Variants in SH3D19 observed in about 807,000 individuals in gnomAD.
The protein encoded by SH3D19 is SH3 domain-containing protein 19.
Under a neutral mutation model 112.1 loss-of-function variants are expected in SH3D19, and 58 were observed. The observed-to-expected ratio is 0.52, with a 90% confidence interval of 0.42 to 0.64. The LOEUF (loss-of-function observed/expected upper bound fraction) is 0.64. SH3D19 is among the 30% of genes least tolerant of loss of function. The pLI, the probability that SH3D19 is intolerant of heterozygous loss-of-function variation, is 0.00. For missense variants in SH3D19, 1,090 were observed against 1,263.4 expected (o/e 0.86, Z 2.08); for synonymous variants, 391 against 448.5 (o/e 0.87, Z 1.62).
intron 12 of SH3D19, 30 bp from the exon 13 acceptor site, chr4:151,139,877 G>C (rs1490206361): frequency 8.7e-6 from 14 of 1,608,412 alleles, no homozygotes; most frequent in Non-Finnish European, 1.2e-5. Context: ...TGTGAATGAA[G>C]TGTGCAGGAT....
intron 2 of SH3D19, among the ~76,000 whole-genome samples, chr4:151,193,265 GGTTT>G (rs1475992682): frequency 1.3e-5 from 2 of 149,182 alleles, no homozygotes; most frequent in East Asian, 2.0e-4. Flanking sequence ...GTTTAAAATA[GGTTT>G]GTTTTTTTTT....
intron 1 of SH3D19, among the ~76,000 whole-genome samples, chr4:151,272,169 T>C (rs1381138116): frequency 6.6e-6 from 1 of 152,196 alleles, no homozygotes; most frequent in Non-Finnish European, 1.5e-5. Context: ...TATAGACAGA[T>C]AATGTAGGCA....
intron 3 of SH3D19, 87 bp downstream of exon 3, chr4:151,187,336 C>T (rs182246801): frequency 8.3e-5 from 66 of 797,120 alleles, no homozygotes; most frequent in Non-Finnish European, 1.0e-4. Flanking sequence ...TTTGTAGATT[C>T]GTCAAATACA....
chr4:151,185,040 G>GTT (rs66567240), intron 3 of SH3D19, among the ~76,000 whole-genome samples: 14 of 66,502 alleles, frequency 2.1e-4, no homozygotes, highest in African/African-American at 8.2e-4. Context: ...GCTGTGTCCT[G>GTT]TTTTTTTTTT....
At chr4:151,310,142 G>A (rs1296763126) in intron 1 of SH3D19, among the ~76,000 whole-genome samples, 1 of 151,402 alleles carries the variant, frequency 6.6e-6, no homozygotes. Flanking sequence ...GGGAGCCTGA[G>A]GCAGGAGGAT....
At chr4:151,154,670 G>A (rs1002315207) in intron 9 of SH3D19, among the ~76,000 whole-genome samples, 1 of 151,694 alleles carries the variant, frequency 6.6e-6, no homozygotes, top group African/African-American at 2.4e-5. Flanking sequence ...TCTGCCTCCC[G>A]GGTTCAAGCA....
intron 7 of SH3D19, among the ~76,000 whole-genome samples, chr4:151,171,284 C>A (rs1579942817): frequency 6.6e-6 from 1 of 151,862 alleles, no homozygotes; most frequent in East Asian, 1.9e-4. Flanking sequence ...AAAAGACTCT[C>A]AGGCTATGTC....
intron 1 of SH3D19, among the ~76,000 whole-genome samples, chr4:151,289,083 A>G (rs1033409833): frequency 1.1e-4 from 16 of 152,238 alleles, no homozygotes; most frequent in African/African-American, 3.9e-4. Context: ...ATAAACCCTT[A>G]TATTTATGGT....
chr4:151,258,760 G>A (rs938465875), intron 1 of SH3D19, among the ~76,000 whole-genome samples: 1 of 152,180 alleles, frequency 6.6e-6, no homozygotes, highest in Admixed American at 6.5e-5. Flanking sequence ...AGGAGGGGGT[G>A]AAGCAGAGGA....
intron 1 of SH3D19, among the ~76,000 whole-genome samples, chr4:151,268,842 G>T (rs970603119): frequency 1.3e-5 from 2 of 151,042 alleles, no homozygotes; most frequent in African/African-American, 2.4e-5. Flanking sequence ...GTCTATCATT[G>T]TTGGACATTT....
rs969123107 is a variant in SH3D19, at chr4:151,175,613, T to C, written c.591A>G (p.Pro197=). ...AGACGATTAAAGGTGCCACATTTGT[T>C]GGAAGATTGCCAGACGAGACTGCTG... ...PFSAVSSGNL[P]TNVAPLIVFD... The change falls in exon 7 of 20, where the codon CCA becomes CCG. Residue 197 remains proline (P), a synonymous_variant. Transcript: ENST00000604030. The C allele has an allele frequency of 1.7e-5, 22 of 1,316,106 alleles. No homozygotes were observed. Among genetic ancestry groups the C allele is most frequent in the Non-Finnish European group, 1.8e-5 (19 of 1,039,228 alleles). The allele number at this position is 1,316,106 out of a possible 1,614,324, so 81.5% of individuals were successfully genotyped here.
At chr4:151,187,171 T>A (rs1761934743) in intron 3 of SH3D19, among the ~76,000 whole-genome samples, 1 of 151,682 alleles carries the variant, frequency 6.6e-6, no homozygotes, top group Non-Finnish European at 1.5e-5. Context: ...AGCTTTATAG[T>A]ATCACATTTG....
chr4:151,251,179 CT>C (rs1161035272), intron 1 of SH3D19, among the ~76,000 whole-genome samples: 1 of 65,894 alleles, frequency 1.5e-5, no homozygotes, highest in Non-Finnish European at 4.8e-5. Flanking sequence ...CCCATTTGTT[CT>C]TTCTTTTTCT....
At position 151,194,558 on chromosome 4, in the gene SH3D19, G is replaced by A. The variant is rs559428445; in HGVS notation, c.153-7095C>T. ...GCCTCCCGAGTAGCTGGGATTACAG[G>A]TGCCCGCCACAACGCCCAGCTAATT... On this transcript the variant is annotated intron_variant, in intron 2 of 19. Coordinates refer to ENST00000604030, the MANE Select transcript of SH3D19 (RefSeq NM_001378122.1). 2.0e-3 allele frequency among the ~76,000 whole-genome samples: 309 copies of A among 151,548 alleles called. 2 individuals carry two copies. Among genetic ancestry groups the A allele is most frequent in the African/African-American group, 7.3e-3 (301 of 41,328 alleles).
intron 1 of SH3D19, among the ~76,000 whole-genome samples, chr4:151,318,607 T>C (rs997435008): frequency 3.9e-5 from 6 of 152,140 alleles, no homozygotes; most frequent in Non-Finnish European, 7.4e-5. Flanking sequence ...TTATCAATAA[T>C]AAGAAAAAGG....
intron 1 of SH3D19, among the ~76,000 whole-genome samples, chr4:151,282,663 T>A (rs924120569): frequency 3.3e-5 from 5 of 152,218 alleles, no homozygotes; most frequent in African/African-American, 1.2e-4. Context: ...AACACATAAC[T>A]ACCTCTCTCA....
At chr4:151,243,905 AGAACT>A (rs1418020582) in intron 1 of SH3D19, among the ~76,000 whole-genome samples, 3 of 152,234 alleles carry the variant, frequency 2.0e-5, no homozygotes, top group Non-Finnish European at 2.9e-5. Context: ...TGCTAGACCA[AGAACT>A]GAACAAGGAG....
intron 9 of SH3D19, among the ~76,000 whole-genome samples, chr4:151,151,056 G>T (rs1754981923): frequency 6.6e-6 from 1 of 151,032 alleles, no homozygotes; most frequent in Non-Finnish European, 1.5e-5. Context: ...TGCCTCCCAG[G>T]TTCAAGTGAT....
At chr4:151,220,981 G>T (rs1470403214) in intron 2 of SH3D19, among the ~76,000 whole-genome samples, 1 of 152,222 alleles carries the variant, frequency 6.6e-6, no homozygotes, top group Non-Finnish European at 1.5e-5. Flanking sequence ...TCTCACATGT[G>T]TATCAATCAA....
Sources: gnomAD v4.1 joint callset for allele counts (sites outside exome capture counted in the v4.1 genomes callset) on GRCh38, gnomAD v4.1.1 for gene constraint, MANE v1.5 for transcripts, NCBI Gene and HGNC (gene_info 2026-07-23, HGNC 2026-07-21) for gene names.